The following TAFA1 variants were observed in gnomAD, a reference collection of about 807,000 sequenced individuals.
TAFA1 encodes the protein chemokine-like protein TAFA-1.
In TAFA1, 4 loss-of-function variants were observed where a neutral mutation model predicts 18.5. That is an observed-to-expected ratio of 0.22 (90% confidence interval 0.11 to 0.49). The LOEUF (loss-of-function observed/expected upper bound fraction) is 0.49. Ranked by LOEUF, TAFA1 falls within the 20% of genes least tolerant of loss-of-function variation. The pLI is 0.98. For synonymous variants in TAFA1, 56 were observed against 55.2 expected, an observed-to-expected ratio of 1.01 and a Z score of -0.06; for missense variants, 147 against 169.0, an observed-to-expected ratio of 0.87 and a Z score of 0.72.
chr3:68,276,575 A>C (rs951821623), intron 2 of TAFA1, among the ~76,000 whole-genome samples: 1 of 152,214 alleles, frequency 6.6e-6, no homozygotes, highest in Non-Finnish European at 1.5e-5. Context: ...TGTGTATCGT[A>C]CATGCATTCT....
intron 2 of TAFA1, among the ~76,000 whole-genome samples, chr3:68,186,685 A>C (rs760118263): frequency 1.3e-5 from 2 of 152,016 alleles, no homozygotes; most frequent in African/African-American, 2.4e-5. Flanking sequence ...TCCTTTATCC[A>C]GGGACCCAAC....
At chr3:68,514,813 G>C (rs2072898489) in intron 3 of TAFA1, among the ~76,000 whole-genome samples, 1 of 152,066 alleles carries the variant, frequency 6.6e-6, no homozygotes, top group Non-Finnish European at 1.5e-5. Context: ...TTCTGAATCA[G>C]TCACTGTGGC....
At chr3:68,143,136 T>C (rs1383011061) in intron 2 of TAFA1, among the ~76,000 whole-genome samples, 1 of 152,168 alleles carries the variant, frequency 6.6e-6, no homozygotes, top group African/African-American at 2.4e-5. Flanking sequence ...TATTTTTACA[T>C]AACTAGATGA....
intron 4 of TAFA1, among the ~76,000 whole-genome samples, chr3:68,543,143 A>C (rs1417995444): frequency 6.6e-6 from 1 of 152,174 alleles, no homozygotes; most frequent in African/African-American, 2.4e-5. Flanking sequence ...TTTGCCTGAC[A>C]TCATTCTCAG....
intron 2 of TAFA1, among the ~76,000 whole-genome samples, chr3:68,318,005 C>G (rs539552225): frequency 2.2e-4 from 33 of 152,212 alleles, no homozygotes; most frequent in African/African-American, 7.7e-4. Context: ...GTGGCCAAGT[C>G]GTCTGCCAAA....
intron 3 of TAFA1, among the ~76,000 whole-genome samples, chr3:68,440,401 G>A (rs2071354156): frequency 6.6e-6 from 1 of 151,980 alleles, no homozygotes; most frequent in Non-Finnish European, 1.5e-5. Flanking sequence ...ATAAATTTTA[G>A]GGCACATGAT....
At chr3:68,476,116 C>T (rs971286589) in intron 3 of TAFA1, among the ~76,000 whole-genome samples, 3 of 152,088 alleles carry the variant, frequency 2.0e-5, no homozygotes, top group African/African-American at 7.2e-5. Flanking sequence ...TGGGCAAGGA[C>T]TTCATGTCTA....
chr3:68,195,267 A>AT (rs1310456623), intron 2 of TAFA1, among the ~76,000 whole-genome samples: 1 of 149,984 alleles, frequency 6.7e-6, no homozygotes, highest in Admixed American at 6.7e-5. Context: ...TCCTTAAGGG[A>AT]TAAGTCTGTG....
At chr3:68,234,290 C>T (rs1361406912) in intron 2 of TAFA1, among the ~76,000 whole-genome samples, 1 of 152,062 alleles carries the variant, frequency 6.6e-6, no homozygotes, top group Non-Finnish European at 1.5e-5. Context: ...TGAGAGAAGT[C>T]GACAGCATTC....
intron 3 of TAFA1, among the ~76,000 whole-genome samples, chr3:68,482,748 G>A (rs1439793492): frequency 6.6e-6 from 1 of 152,170 alleles, no homozygotes; most frequent in African/African-American, 2.4e-5. Flanking sequence ...ACACATTCTT[G>A]TAGCCAGGGT....
the TAFA1 span, among the ~76,000 whole-genome samples, chr3:67,995,207 C>A: frequency 6.6e-6 from 1 of 152,130 alleles, no homozygotes; most frequent in Non-Finnish European, 1.5e-5. Flanking sequence ...CAAGAAATTG[C>A]AGGTATTTTG....
At chr3:68,507,330 A>C (rs933993585) in intron 3 of TAFA1, among the ~76,000 whole-genome samples, 81 of 152,280 alleles carry the variant, frequency 5.3e-4, no homozygotes, top group African/African-American at 1.9e-3. Context: ...ATAGGGAAAG[A>C]GATCCCTACT....
chr3:68,423,613 A>G (rs901972436), intron 3 of TAFA1, among the ~76,000 whole-genome samples: 3 of 152,002 alleles, frequency 2.0e-5, no homozygotes, highest in African/African-American at 7.2e-5. Flanking sequence ...TTGCACTTTC[A>G]TTGTTATGGA....
intron 2 of TAFA1, among the ~76,000 whole-genome samples, chr3:68,326,041 A>G (rs911730037): frequency 1.3e-5 from 2 of 152,208 alleles, no homozygotes; most frequent in Non-Finnish European, 2.9e-5. Context: ...AACTTGAAAT[A>G]GAATACATTA....
At position 68,079,276 on chromosome 3, in the gene TAFA1, T is replaced by C. The variant is rs77473844; in HGVS notation, c.118+72532T>C. Among the ~76,000 whole-genome samples the C allele has an allele frequency of 6.6e-5, 10 of 152,340 alleles. No individual in the cohort carries two copies. The East Asian group carries it at 1.3e-3, about 21-fold the overall frequency. ...TTCAAAAAACCAGCTCCTGGATTCATTGATTTTTTGAAGGGTTTTTTGTGT... is the reference window on the plus strand; with the variant it reads ...TTCAAAAAACCAGCTCCTGGATTCACTGATTTTTTGAAGGGTTTTTTGTGT... On this transcript the variant is annotated intron_variant, in intron 2 of 4. Coordinates refer to ENST00000478136, the MANE Select transcript of TAFA1 (RefSeq NM_213609.4).
At chr3:67,992,976 G>T in the TAFA1 span, among the ~76,000 whole-genome samples, 1 of 152,208 alleles carries the variant, frequency 6.6e-6, no homozygotes, top group East Asian at 1.9e-4. Flanking sequence ...CTTGAGTCAT[G>T]TGACCAACCT....
chr3:68,367,863 TA>T (rs2069603002), intron 2 of TAFA1, among the ~76,000 whole-genome samples: 1 of 152,050 alleles, frequency 6.6e-6, no homozygotes, highest in South Asian at 2.1e-4. Context: ...GACAAAAAAA[TA>T]AAGGACAACT....
chr3:68,117,717 A>T (rs759879030), intron 2 of TAFA1, among the ~76,000 whole-genome samples: 4 of 152,214 alleles, frequency 2.6e-5, no homozygotes, highest in Non-Finnish European at 4.4e-5. Context: ...GCCTGAAAGT[A>T]TAGTGGAATC....
In TAFA1 at chr3:68,008,048, T is replaced by C. The variant is rs535614418; in HGVS notation, c.118+1304T>C. ...CGGGAGAAGGGGTGGGGCTGGCTTG[T>C]GCTAGGGGCTGAGGCTGGGGGCTGT... On this transcript the variant is annotated intron_variant, in intron 2 of 4. Transcript: ENST00000478136. Among the ~76,000 whole-genome samples the C allele has an allele frequency of 1.9e-4, 29 of 152,312 alleles. No individual in the cohort carries two copies. The South Asian group carries it at 6.0e-3, about 32-fold the overall frequency.
Sources: allele counts gnomAD v4.1 joint callset (sites outside exome capture counted in the v4.1 genomes callset), GRCh38; gene constraint gnomAD v4.1.1; transcripts MANE v1.5; gene names NCBI Gene and HGNC (gene_info 2026-07-23, HGNC 2026-07-21).